The following RPS6KC1 variants were observed in gnomAD, a reference collection of about 807,000 sequenced individuals.
RPS6KC1 encodes ribosomal protein S6 kinase C1, also known as inactive ribosomal protein S6 kinase delta-1.
RPS6KC1 carries 54 observed loss-of-function variants against 103.8 expected under a neutral mutation model. The ratio of observed to expected loss-of-function variants is 0.52; its 90% CI spans 0.42 to 0.65. The LOEUF (loss-of-function observed/expected upper bound fraction) is 0.65, where lower values mean the gene tolerates loss of function less well. Among genes scored for constraint, RPS6KC1 ranks in the 30% least tolerant of loss-of-function variants. The probability of loss-of-function intolerance (pLI) is 0.00; values close to 1 mark genes in which losing one functional copy is unlikely to be tolerated. For synonymous variants in RPS6KC1, 439 were observed against 438.7 expected, an observed-to-expected ratio of 1.00 and a Z score of -0.01; for missense variants, 1,151 against 1,253.8, an observed-to-expected ratio of 0.92 and a Z score of 1.24.
chr1:213,511,519 G>A, the RPS6KC1 span, among the ~76,000 whole-genome samples: 1 of 152,120 alleles, frequency 6.6e-6, no homozygotes, highest in Non-Finnish European at 1.5e-5. Flanking sequence ...TGTAGGGATG[G>A]GATTCCTTCA....
chr1:213,388,576 A>G, the RPS6KC1 span, among the ~76,000 whole-genome samples: 11 of 152,208 alleles, frequency 7.2e-5, no homozygotes, highest in African/African-American at 2.7e-4. Context: ...TGGTGAGGTG[A>G]GGGATGCACC....
the RPS6KC1 span, among the ~76,000 whole-genome samples, chr1:213,805,056 C>T: frequency 1.3e-5 from 2 of 152,262 alleles, no homozygotes; most frequent in South Asian, 2.1e-4. Flanking sequence ...GTCTAAGAAA[C>T]AATGTATATA....
chr1:213,851,938 G>C, the RPS6KC1 span, among the ~76,000 whole-genome samples: 1 of 152,082 alleles, frequency 6.6e-6, no homozygotes, highest in African/African-American at 2.4e-5. Flanking sequence ...CCGCAGCTCT[G>C]ACCCTAAGCA....
chr1:213,363,625 GCTTTCTTTCTTTCTTTCTTTCTTT>G, the RPS6KC1 span, among the ~76,000 whole-genome samples: 264 of 73,746 alleles, frequency 3.6e-3, 11 homozygotes, highest in Admixed American at 8.9e-3. Context: ...TTGCTTGCTT[GCTTTCTTTCTTTCTTTCTTTCTTT>G]CTTTCTTTCT....
intron 1 of RPS6KC1, among the ~76,000 whole-genome samples, chr1:213,068,092 T>C (rs2078491155): frequency 6.6e-6 from 1 of 152,156 alleles, no homozygotes; most frequent in Non-Finnish European, 1.5e-5. Flanking sequence ...TTAAAGTACA[T>C]TTGAATAGAC....
At chr1:213,475,826 G>C in the RPS6KC1 span, among the ~76,000 whole-genome samples, 9 of 152,194 alleles carry the variant, frequency 5.9e-5, no homozygotes, top group Admixed American at 4.6e-4. Flanking sequence ...AGATGGTGGG[G>C]CCTCTTGCTT....
chr1:213,836,634 T>C, the RPS6KC1 span, among the ~76,000 whole-genome samples: 2,140 of 152,280 alleles, frequency 0.014, 41 homozygotes, highest in East Asian at 0.089. Context: ...TTTTGATTGA[T>C]AAATATATGA....
At chr1:213,249,522 CAGAG>C (rs890477193) in intron 12 of RPS6KC1, among the ~76,000 whole-genome samples, 1 of 152,154 alleles carries the variant, frequency 6.6e-6, no homozygotes, top group African/African-American at 2.4e-5. Context: ...AGCAGAGCGG[CAGAG>C]AGAGAGCGCA....
At chr1:213,525,425 T>A in the RPS6KC1 span, among the ~76,000 whole-genome samples, 1 of 152,110 alleles carries the variant, frequency 6.6e-6, no homozygotes, top group Non-Finnish European at 1.5e-5. Flanking sequence ...TGCAATTAGA[T>A]GTTCAATTAG....
the RPS6KC1 span, among the ~76,000 whole-genome samples, chr1:213,558,753 C>A: frequency 6.6e-6 from 1 of 152,236 alleles, no homozygotes; most frequent in Non-Finnish European, 1.5e-5. Flanking sequence ...TTGTGCCAAT[C>A]ACTGAGTTTC....
intron 3 of RPS6KC1, among the ~76,000 whole-genome samples, chr1:213,078,388 C>T (rs568579429): frequency 6.5e-4 from 99 of 152,050 alleles, no homozygotes; most frequent in African/African-American, 1.9e-3. Flanking sequence ...ATAACTCTAA[C>T]GTAAATGTTC....
At chr1:213,438,855 G>GTGATCT in the RPS6KC1 span, among the ~76,000 whole-genome samples, 1 of 143,978 alleles carries the variant, frequency 6.9e-6, no homozygotes, top group Non-Finnish European at 1.5e-5. Context: ...GTGCAGTGGT[G>GTGATCT]TGATCTTGGC....
the RPS6KC1 span, among the ~76,000 whole-genome samples, chr1:213,363,646 C>T: frequency 2.9e-5 from 2 of 68,108 alleles, no homozygotes; most frequent in African/African-American, 2.5e-4. Context: ...TTCTTTCTTT[C>T]TTTCTTTCTT....
the RPS6KC1 span, among the ~76,000 whole-genome samples, chr1:213,476,907 A>G: frequency 2.0e-5 from 3 of 152,240 alleles, no homozygotes; most frequent in African/African-American, 7.2e-5. Context: ...TTTAGGACCC[A>G]TGTAAATTAG....
the RPS6KC1 span, among the ~76,000 whole-genome samples, chr1:213,363,352 T>C: frequency 3.9e-5 from 6 of 152,226 alleles, no homozygotes; most frequent in African/African-American, 1.4e-4. Flanking sequence ...TTTTCTCACA[T>C]CACAAGAAGT....
At chr1:213,215,705 T>G (rs2093640883) in intron 8 of RPS6KC1, among the ~76,000 whole-genome samples, 1 of 152,168 alleles carries the variant, frequency 6.6e-6, no homozygotes, top group African/African-American at 2.4e-5. Context: ...CAAGCCAGAA[T>G]AGAGTGGAGG....
At chr1:213,483,901 A>C in the RPS6KC1 span, among the ~76,000 whole-genome samples, 1 of 152,192 alleles carries the variant, frequency 6.6e-6, no homozygotes, top group Non-Finnish European at 1.5e-5. Flanking sequence ...GGCTTTCCTC[A>C]GGTGTGGTGA....
intron 3 of RPS6KC1, among the ~76,000 whole-genome samples, chr1:213,078,747 G>A (rs541473308): frequency 6.6e-6 from 1 of 152,312 alleles, no homozygotes; most frequent in South Asian, 2.1e-4. Context: ...TTCTGCATAT[G>A]TAATTGCAGA....
chr1:213,290,664 C>A, the RPS6KC1 span, among the ~76,000 whole-genome samples: 9 of 152,178 alleles, frequency 5.9e-5, no homozygotes, highest in Admixed American at 5.2e-4. Context: ...TGCTGTTCCA[C>A]TTTCAGTCTT....
Sources: gnomAD v4.1 joint callset for allele counts (sites outside exome capture counted in the v4.1 genomes callset) on GRCh38, gnomAD v4.1.1 for gene constraint, MANE v1.5 for transcripts, NCBI Gene and HGNC (gene_info 2026-07-23, HGNC 2026-07-21) for gene names.